IGF2BP2: variants seen among roughly 807,000 people sequenced by gnomAD.
The protein encoded by IGF2BP2 is insulin-like growth factor 2 mRNA-binding protein 2.
Under a neutral mutation model 75.8 loss-of-function variants are expected in IGF2BP2, and 17 were observed. That is an observed-to-expected ratio of 0.22 (90% CI 0.15 to 0.34). IGF2BP2 has a LOEUF of 0.34. Among genes scored for constraint, IGF2BP2 ranks in the 10% least tolerant of loss-of-function variants. The pLI is 1.00. For missense variants in IGF2BP2, 516 were observed against 772.4 expected (o/e 0.67, Z 3.93); for synonymous variants, 288 against 295.6 (o/e 0.97, Z 0.26).
chr3:185,801,752 G>A (rs1290378693), intron 2 of IGF2BP2, among the ~76,000 whole-genome samples: 1 of 152,078 alleles, frequency 6.6e-6, no homozygotes, highest in Non-Finnish European at 1.5e-5. Flanking sequence ...CAACAGCAAA[G>A]ACTTGGAACC....
intron 2 of IGF2BP2, among the ~76,000 whole-genome samples, chr3:185,708,464 C>A (rs1428164653): frequency 6.6e-6 from 1 of 152,122 alleles, no homozygotes; most frequent in Non-Finnish European, 1.5e-5. Flanking sequence ...ATAGCTCACT[C>A]TTTGCTCCTC....
At chr3:185,680,893 C>T (rs1720288498) in intron 7 of IGF2BP2, among the ~76,000 whole-genome samples, 1 of 152,140 alleles carries the variant, frequency 6.6e-6, no homozygotes, top group African/African-American at 2.4e-5. Context: ...AACACCCTTT[C>T]ATGATAAAAA....
intron 2 of IGF2BP2, among the ~76,000 whole-genome samples, chr3:185,753,125 G>A (rs986205154): frequency 1.3e-5 from 2 of 152,124 alleles, no homozygotes; most frequent in Admixed American, 6.5e-5. Flanking sequence ...CTTCTCAAAG[G>A]ATTCTCATAA....
chr3:185,782,231 T>A (rs966764341), intron 2 of IGF2BP2, among the ~76,000 whole-genome samples: 16 of 152,150 alleles, frequency 1.1e-4, no homozygotes, highest in Non-Finnish European at 2.2e-4. Context: ...CAGGAAAATT[T>A]TAATGATGTA....
intron 13 of IGF2BP2, among the ~76,000 whole-genome samples, chr3:185,651,195 G>C (rs1182777453): frequency 6.6e-6 from 1 of 151,980 alleles, no homozygotes; most frequent in African/African-American, 2.4e-5. Flanking sequence ...ACAGGAATGA[G>C]CCTCCACACC....
At chr3:185,730,143 G>A (rs1306491370) in intron 2 of IGF2BP2, among the ~76,000 whole-genome samples, 1 of 151,962 alleles carries the variant, frequency 6.6e-6, no homozygotes, top group Non-Finnish European at 1.5e-5. Flanking sequence ...TCCCCTTTGT[G>A]TTCCCAGTGT....
At position 185,647,208 on chromosome 3, in the gene IGF2BP2, G is replaced by A; in HGVS notation, c.1594-70C>T. Reference sequence around the variant, plus strand: ...GTCAACGTGGTGGGCTCAGGACGGAGTGAGGGGCCAAGAGGTGGAGCAGGG... The same window carrying A: ...GTCAACGTGGTGGGCTCAGGACGGAATGAGGGGCCAAGAGGTGGAGCAGGG... On this transcript the variant is annotated intron_variant, in intron 14 of 15. Transcript: ENST00000382199. This position sits in a 1 kb window ranked among gnomAD's most constrained non-coding sequence, Gnocchi z 4.9. 2 of 1,098,786 alleles carry A rather than the reference G, an allele frequency of 1.8e-6. No individual in the cohort carries two copies. Among genetic ancestry groups the A allele is most frequent in the South Asian group, 2.5e-5 (2 of 80,722 alleles). 68.1% of individuals were successfully genotyped at this position (1,098,786 alleles called of 1,614,324 possible).
intron 2 of IGF2BP2, among the ~76,000 whole-genome samples, chr3:185,819,417 T>C (rs1382013832): frequency 6.6e-6 from 1 of 152,140 alleles, no homozygotes; most frequent in Admixed American, 6.5e-5. Flanking sequence ...TTTAAAAGCA[T>C]CAAATAACCA....
intron 2 of IGF2BP2, among the ~76,000 whole-genome samples, chr3:185,788,536 T>C (rs1736191329): frequency 6.6e-6 from 1 of 152,044 alleles, no homozygotes; most frequent in South Asian, 2.1e-4. Context: ...ATAATAAAGT[T>C]GTATGTTTCA....
At chr3:185,715,906 A>G (rs1725538168) in intron 2 of IGF2BP2, among the ~76,000 whole-genome samples, 2 of 152,238 alleles carry the variant, frequency 1.3e-5, no homozygotes, top group African/African-American at 2.4e-5. Context: ...TCAGCCTCCC[A>G]AAGTGCTGGG....
At chr3:185,732,710 A>G (rs567522430) in intron 2 of IGF2BP2, among the ~76,000 whole-genome samples, 98 of 152,350 alleles carry the variant, frequency 6.4e-4, no homozygotes, top group African/African-American at 2.3e-3. Flanking sequence ...AGAGTATATG[A>G]AGACAATTAT....
intron 2 of IGF2BP2, among the ~76,000 whole-genome samples, chr3:185,778,365 C>T (rs1474741085): frequency 1.3e-5 from 2 of 152,116 alleles, no homozygotes; most frequent in Non-Finnish European, 2.9e-5. Flanking sequence ...CAGAGAAAAG[C>T]CACACAGACA....
chr3:185,740,274 C>A (rs1345599763), intron 2 of IGF2BP2, among the ~76,000 whole-genome samples: 1 of 152,168 alleles, frequency 6.6e-6, no homozygotes, highest in African/African-American at 2.4e-5. Context: ...ACATATCATA[C>A]AAGGTGAAGA....
intron 10 of IGF2BP2, among the ~76,000 whole-genome samples, chr3:185,668,227 G>A (rs1161533511): frequency 1.3e-5 from 2 of 152,030 alleles, no homozygotes; most frequent in African/African-American, 4.8e-5. Context: ...GGAATATTAT[G>A]CAGCCATTAA....
intron 7 of IGF2BP2, among the ~76,000 whole-genome samples, chr3:185,686,150 G>A (rs968542730): frequency 3.3e-5 from 5 of 152,176 alleles, no homozygotes; most frequent in Non-Finnish European, 5.9e-5. Context: ...TTGGGAGGAC[G>A]AGGTGGGCAG....
At chr3:185,659,996 G>T (rs1716162081) in intron 10 of IGF2BP2, among the ~76,000 whole-genome samples, 2 of 152,270 alleles carry the variant, frequency 1.3e-5, no homozygotes, top group Admixed American at 1.3e-4. Context: ...GTTTCACCAT[G>T]TTGGTAAGGC....
chr3:185,742,355 GC>G (rs1282537809), intron 2 of IGF2BP2, among the ~76,000 whole-genome samples: 1 of 152,088 alleles, frequency 6.6e-6, no homozygotes, highest in Non-Finnish European at 1.5e-5. Context: ...AATTAGCCAG[GC>G]ATGGTGCCGG....
At chr3:185,681,709 C>T (rs1720412358) in intron 7 of IGF2BP2, among the ~76,000 whole-genome samples, 1 of 152,082 alleles carries the variant, frequency 6.6e-6, no homozygotes, top group Non-Finnish European at 1.5e-5. Flanking sequence ...GTAGTACTGG[C>T]ATAAAAACAG....
intron 2 of IGF2BP2, among the ~76,000 whole-genome samples, chr3:185,705,711 C>G (rs1345569174): frequency 1.3e-5 from 2 of 152,172 alleles, no homozygotes; most frequent in Non-Finnish European, 2.9e-5. Flanking sequence ...AGCAGATTTG[C>G]TGTCTGCTGA....
Sources: allele counts gnomAD v4.1 joint callset (sites outside exome capture counted in the v4.1 genomes callset), GRCh38; gene constraint gnomAD v4.1.1; non-coding constraint Gnocchi (gnomAD v3.1); transcripts MANE v1.5; gene names NCBI Gene and HGNC (gene_info 2026-07-23, HGNC 2026-07-21).